The following PDE6D variants were observed in gnomAD, a reference collection of about 807,000 sequenced individuals.
The protein encoded by PDE6D is retinal rod rhodopsin-sensitive cGMP 3',5'-cyclic phosphodiesterase subunit delta.
A neutral mutation model predicts 21.9 loss-of-function variants in PDE6D; 10 were observed. That is an observed-to-expected ratio of 0.46 (90% CI 0.28 to 0.78). The LOEUF is 0.78. Ranked by LOEUF, PDE6D falls within the 30% of genes least tolerant of loss-of-function variation. PDE6D has a pLI of 0.12. For missense variants in PDE6D, 139 were observed against 184.8 expected, an observed-to-expected ratio of 0.75 and a Z score of 1.44; for synonymous variants, 59 against 63.5, an observed-to-expected ratio of 0.93 and a Z score of 0.34.
chr2:231,735,285 T>C (rs2048690153), intron 4 of PDE6D, among the ~76,000 whole-genome samples: 3 of 149,012 alleles, frequency 2.0e-5, no homozygotes, highest in African/African-American at 7.4e-5. Flanking sequence ...ATTAAAACTT[T>C]AAAAAATTCT....
At chr2:231,752,139 T>C (rs954195205) in intron 1 of PDE6D, among the ~76,000 whole-genome samples, 1 of 152,232 alleles carries the variant, frequency 6.6e-6, no homozygotes, top group African/African-American at 2.4e-5. Context: ...CTTAGAAATA[T>C]TTATTTGAGA....
chr2:231,766,902 C>G (rs555057725), intron 1 of PDE6D, among the ~76,000 whole-genome samples: 3 of 143,064 alleles, frequency 2.1e-5, no homozygotes, highest in Non-Finnish European at 4.5e-5. Flanking sequence ...TGAGGCTACT[C>G]GGGATGGCTG....
intron 1 of PDE6D, among the ~76,000 whole-genome samples, chr2:231,767,514 A>G (rs540291604): frequency 5.9e-5 from 9 of 151,898 alleles, no homozygotes; most frequent in Non-Finnish European, 1.3e-4. Context: ...ACAGGGTTTC[A>G]CCGAGTTAGC....
intron 1 of PDE6D, among the ~76,000 whole-genome samples, chr2:231,750,047 G>T (rs573745700): frequency 4.6e-5 from 7 of 152,186 alleles, no homozygotes; most frequent in South Asian, 4.2e-4. Context: ...AGGGATTTAG[G>T]GGGGAGGTAA....
intron 4 of PDE6D, among the ~76,000 whole-genome samples, chr2:231,733,306 G>C (rs1284706100): frequency 6.6e-6 from 1 of 152,170 alleles, no homozygotes; most frequent in Non-Finnish European, 1.5e-5. Flanking sequence ...GCCCTTAGTA[G>C]AGTGCTCTGC....
intron 1 of PDE6D, among the ~76,000 whole-genome samples, chr2:231,747,176 C>T (rs953937555): frequency 1.4e-4 from 21 of 152,074 alleles, no homozygotes; most frequent in African/African-American, 3.1e-4. Context: ...CTGCAACCTC[C>T]GCCTCCCGGG....
At chr2:231,733,940 C>T (rs928942665) in intron 4 of PDE6D, among the ~76,000 whole-genome samples, 9 of 151,954 alleles carry the variant, frequency 5.9e-5, no homozygotes, top group Non-Finnish European at 1.2e-4. Context: ...TAGCCGGGCA[C>T]GGTGGCTCAT....
intron 1 of PDE6D, among the ~76,000 whole-genome samples, chr2:231,750,877 G>A (rs1264785950): frequency 6.6e-6 from 1 of 151,856 alleles, no homozygotes; most frequent in Non-Finnish European, 1.5e-5. Context: ...GGGTTACCTT[G>A]TATATGGACA....
intron 1 of PDE6D, among the ~76,000 whole-genome samples, chr2:231,770,677 G>T (rs1242196558): frequency 6.6e-6 from 1 of 152,092 alleles, no homozygotes; most frequent in African/African-American, 2.4e-5. Context: ...AATTGGCCGG[G>T]TATGGTGGCT....
At chr2:231,765,577 T>C (rs1024305262) in intron 1 of PDE6D, among the ~76,000 whole-genome samples, 1 of 152,186 alleles carries the variant, frequency 6.6e-6, no homozygotes, top group African/African-American at 2.4e-5. Flanking sequence ...TATAATGATA[T>C]ATGCTAATGT....
At chr2:231,754,841 T>A (rs909927614) in intron 1 of PDE6D, among the ~76,000 whole-genome samples, 5 of 152,170 alleles carry the variant, frequency 3.3e-5, no homozygotes, top group African/African-American at 2.4e-5. Context: ...AAGGATAATC[T>A]TCTTCTTGCT....
chr2:231,771,666 C>T (rs1475351595), intron 1 of PDE6D, among the ~76,000 whole-genome samples: 1 of 152,190 alleles, frequency 6.6e-6, no homozygotes, highest in African/African-American at 2.4e-5. Flanking sequence ...CTCCTTGACT[C>T]TGAATCAGTT....
chr2:231,756,060 A>G (rs2048880594), intron 1 of PDE6D, among the ~76,000 whole-genome samples: 1 of 152,220 alleles, frequency 6.6e-6, no homozygotes, highest in African/African-American at 2.4e-5. Flanking sequence ...CTCTTGCAGA[A>G]TAATCCACTG....
At chr2:231,754,568 C>T (rs1373660178) in intron 1 of PDE6D, among the ~76,000 whole-genome samples, 1 of 140,814 alleles carries the variant, frequency 7.1e-6, no homozygotes, top group Admixed American at 7.3e-5. Context: ...GACAGGGTTT[C>T]ACAATGTTGG....
chr2:231,755,315 G>C (rs145916857), intron 1 of PDE6D, among the ~76,000 whole-genome samples: 2 of 152,218 alleles, frequency 1.3e-5, no homozygotes, highest in African/African-American at 4.8e-5. Flanking sequence ...ATGAAATAAA[G>C]AACAACTTAC....
chr2:231,749,024 G>GC (rs2106269169), intron 1 of PDE6D, among the ~76,000 whole-genome samples: 1 of 152,314 alleles, frequency 6.6e-6, no homozygotes, highest in East Asian at 1.9e-4. Flanking sequence ...TGGGGTTGGA[G>GC]CCCCCACACA....
chr2:231,759,010 A>C (rs1329800811), intron 1 of PDE6D, among the ~76,000 whole-genome samples: 2 of 152,132 alleles, frequency 1.3e-5, no homozygotes, highest in African/African-American at 4.8e-5. Context: ...CAAAGGGTTG[A>C]GGCTGGGAAT....
chr2:231,764,517 A>G (rs1450081347), intron 1 of PDE6D, among the ~76,000 whole-genome samples: 1 of 152,228 alleles, frequency 6.6e-6, no homozygotes. Flanking sequence ...GAAGGGTGAG[A>G]TAAGAAAGGC....
At chr2:231,769,579 G>T (rs1249395633) in intron 1 of PDE6D, among the ~76,000 whole-genome samples, 3 of 150,708 alleles carry the variant, frequency 2.0e-5, no homozygotes, top group Non-Finnish European at 1.5e-5. Context: ...TACACACACA[G>T]ATATACATAT....
Sources: allele counts gnomAD v4.1 joint callset (sites outside exome capture counted in the v4.1 genomes callset), GRCh38; gene constraint gnomAD v4.1.1; transcripts MANE v1.5; gene names NCBI Gene and HGNC (gene_info 2026-07-23, HGNC 2026-07-21).